MDGA2: variants seen among roughly 807,000 people sequenced by gnomAD.
The protein encoded by MDGA2 is MAM domain containing glycosylphosphatidylinositol anchor 2.
In MDGA2, 40 loss-of-function variants were observed where a neutral mutation model predicts 117.8. The observed-to-expected ratio is 0.34, with a 90% CI of 0.26 to 0.44. MDGA2 has a LOEUF of 0.44. MDGA2 is among the 20% of genes least tolerant of loss of function. MDGA2 has a pLI of 1.00. For synonymous variants in MDGA2, 452 were observed against 439.0 expected, an observed-to-expected ratio of 1.03 and a Z score of -0.37; for missense variants, 1,123 against 1,250.6, an observed-to-expected ratio of 0.90 and a Z score of 1.54.
intron 2 of MDGA2, among the ~76,000 whole-genome samples, chr14:47,244,611 C>G (rs1306309806): frequency 6.6e-6 from 1 of 151,734 alleles, no homozygotes; most frequent in Non-Finnish European, 1.5e-5. Flanking sequence ...TATGTCAATA[C>G]TGATTTCTAA....
intron 3 of MDGA2, among the ~76,000 whole-genome samples, chr14:47,189,130 T>C (rs1015406709): frequency 3.0e-4 from 45 of 152,118 alleles, no homozygotes; most frequent in African/African-American, 1.0e-3. Flanking sequence ...TATCCTGAGA[T>C]TGCAACCTTG....
intron 5 of MDGA2, among the ~76,000 whole-genome samples, chr14:47,103,806 A>G (rs539779818): frequency 6.6e-6 from 1 of 152,248 alleles, no homozygotes; most frequent in Non-Finnish European, 1.5e-5. Context: ...TGTTATCAAC[A>G]GTGATGAATG....
intron 8 of MDGA2, among the ~76,000 whole-genome samples, chr14:47,025,279 A>G (rs1888431518): frequency 6.6e-6 from 1 of 152,168 alleles, no homozygotes; most frequent in Non-Finnish European, 1.5e-5. Flanking sequence ...AATGTCAACT[A>G]TAATCTTAGG....
Position 47,061,460 on chromosome 14 carries a change from T to C in MDGA2, c.1314A>G (p.Leu438=). The C allele has an allele frequency of 6.2e-7, 1 of 1,613,566 alleles. No individual in the cohort carries two copies. Among genetic ancestry groups the C allele is most frequent in the Non-Finnish European group, 8.5e-7 (1 of 1,179,610 alleles). The change falls in exon 7 of 17, where the codon CTA becomes CTG. Residue 438 remains leucine (L), a synonymous_variant. Transcript: ENST00000399232. ...CQVEAVPSEE[L]TFSWFKNGRP... ...GACCATTTTTAAACCAACTAAATGT[T>C]AGCTCCTCAGAAGGAACAGCTTCTA...
At chr14:47,388,281 G>T (rs994110217) in intron 1 of MDGA2, among the ~76,000 whole-genome samples, 18 of 152,100 alleles carry the variant, frequency 1.2e-4, no homozygotes, top group South Asian at 8.3e-4. Context: ...AATCTAGTCT[G>T]AAATTAAATA....
At chr14:47,259,388 A>G (rs1289964407) in intron 2 of MDGA2, among the ~76,000 whole-genome samples, 1 of 152,084 alleles carries the variant, frequency 6.6e-6, no homozygotes, top group Non-Finnish European at 1.5e-5. Flanking sequence ...AATAAAAATA[A>G]CCAATCCTAT....
intron 9 of MDGA2, among the ~76,000 whole-genome samples, chr14:46,927,668 T>C (rs1332331507): frequency 1.3e-5 from 2 of 152,182 alleles, no homozygotes; most frequent in African/African-American, 2.4e-5. Flanking sequence ...TCCAACTAAA[T>C]CATTTAGGTA....
At chr14:46,918,737 A>T (rs1883998579) in intron 10 of MDGA2, among the ~76,000 whole-genome samples, 1 of 146,414 alleles carries the variant, frequency 6.8e-6, no homozygotes, top group Non-Finnish European at 1.5e-5. Context: ...AGGGTGAATA[A>T]GAATATGCTA....
intron 4 of MDGA2, among the ~76,000 whole-genome samples, chr14:47,140,462 G>A (rs775743927): frequency 6.6e-6 from 1 of 151,950 alleles, no homozygotes; most frequent in African/African-American, 2.4e-5. Flanking sequence ...AAACAGCATA[G>A]TACTGACATA....
chr14:47,323,065 T>C (rs1890027331), intron 1 of MDGA2, among the ~76,000 whole-genome samples: 1 of 149,346 alleles, frequency 6.7e-6, no homozygotes, highest in South Asian at 2.1e-4. Flanking sequence ...GGAACTCTTC[T>C]CCCCATTTTA....
intron 2 of MDGA2, among the ~76,000 whole-genome samples, chr14:47,240,404 TATAGGAGTGTGTTAAGTTATGAACATTCA>T (rs1887002301): frequency 6.6e-6 from 1 of 151,810 alleles, no homozygotes; most frequent in African/African-American, 2.4e-5. Context: ...TGAACCGGGT[TATAGGAGTGTGTTAAGTTATGAACATTCA>T]ATAAAACAGC....
intron 1 of MDGA2, among the ~76,000 whole-genome samples, chr14:47,334,017 C>T (rs145156380): frequency 3.4e-3 from 519 of 151,746 alleles, no homozygotes; most frequent in African/African-American, 0.012. Context: ...TAGCTCTCAA[C>T]AGGGATGATA....
At position 47,050,219 on chromosome 14, in the gene MDGA2, G is replaced by A. The variant is rs1594567035; in HGVS notation, c.1525+11030C>T. Among the ~76,000 whole-genome samples, 4 of 152,080 alleles carry A rather than the reference G, an allele frequency of 2.6e-5. No homozygotes were observed. The Middle Eastern group carries it at 0.014, about 517-fold the overall frequency. On this transcript the variant is annotated intron_variant, in intron 7 of 16. Coordinates refer to ENST00000399232, the MANE Select transcript of MDGA2 (RefSeq NM_001113498.3). ...TATGTCACTACTTAGTAACTGTGGT[G>A]TCAATAAAAGTCAGGCCTACGCTTT...
chr14:46,956,147 A>G (rs1365821576), intron 9 of MDGA2, among the ~76,000 whole-genome samples: 1 of 152,148 alleles, frequency 6.6e-6, no homozygotes, highest in Non-Finnish European at 1.5e-5. Context: ...ACCACTTAGA[A>G]TTTATGCTAT....
chr14:47,441,642 G>A (rs960461431), intron 1 of MDGA2, among the ~76,000 whole-genome samples: 7 of 152,108 alleles, frequency 4.6e-5, no homozygotes, highest in Non-Finnish European at 8.8e-5. Flanking sequence ...TCATGGAATT[G>A]ACAGTTTTTT....
chr14:47,286,054 T>C (rs1369871130), intron 2 of MDGA2, among the ~76,000 whole-genome samples: 2 of 151,838 alleles, frequency 1.3e-5, no homozygotes, highest in Non-Finnish European at 2.9e-5. Context: ...GTGTTTGCAT[T>C]GTGTGTGTGA....
At chr14:47,485,790 C>A (rs991650807) in intron 1 of MDGA2, among the ~76,000 whole-genome samples, 1 of 152,154 alleles carries the variant, frequency 6.6e-6, no homozygotes, top group Non-Finnish European at 1.5e-5. Context: ...TAAGCCTTGG[C>A]AGCTCCCACT....
intron 1 of MDGA2, among the ~76,000 whole-genome samples, chr14:47,401,883 C>T (rs1010996379): frequency 2.0e-5 from 3 of 152,150 alleles, no homozygotes; most frequent in East Asian, 1.9e-4. Context: ...AGAATTAATA[C>T]GGTCATTCTC....
chr14:46,975,618 C>G (rs535852475), intron 8 of MDGA2, among the ~76,000 whole-genome samples: 5 of 152,224 alleles, frequency 3.3e-5, no homozygotes, highest in African/African-American at 1.2e-4. Context: ...TATGATTTCA[C>G]TCACATAGAG....
Sources: gnomAD v4.1 joint callset for allele counts (sites outside exome capture counted in the v4.1 genomes callset) on GRCh38, gnomAD v4.1.1 for gene constraint, MANE v1.5 for transcripts, NCBI Gene and HGNC (gene_info 2026-07-23, HGNC 2026-07-21) for gene names.